Variants in ADCY2 observed in about 807,000 individuals in gnomAD.
ADCY2 encodes adenylate cyclase 2.
In ADCY2, 31 loss-of-function variants were observed where a neutral mutation model predicts 125.2. The observed-to-expected ratio is 0.25, with a 90% CI of 0.19 to 0.33. The LOEUF (loss-of-function observed/expected upper bound fraction) is 0.33, where lower values mean the gene tolerates loss of function less well. Ranked by LOEUF, ADCY2 falls within the 10% of genes least tolerant of loss-of-function variation. The pLI is 1.00. For missense variants in ADCY2, 904 were observed against 1,418.2 expected (o/e 0.64, Z 5.82); for synonymous variants, 512 against 548.4 (o/e 0.93, Z 0.93).
intron 3 of ADCY2, among the ~76,000 whole-genome samples, chr5:7,613,772 G>C (rs1483008670): frequency 1.3e-5 from 2 of 152,206 alleles, no homozygotes; most frequent in Non-Finnish European, 2.9e-5. Flanking sequence ...GCCATCCTGA[G>C]CCTCATCTTA....
At chr5:7,526,188 T>G (rs1219755665) in intron 3 of ADCY2, among the ~76,000 whole-genome samples, 1 of 152,204 alleles carries the variant, frequency 6.6e-6, no homozygotes, top group African/African-American at 2.4e-5. Flanking sequence ...ACACACAGCT[T>G]TGTCATCTTT....
At chr5:7,614,094 C>T (rs1046854338) in intron 3 of ADCY2, among the ~76,000 whole-genome samples, 2 of 152,168 alleles carry the variant, frequency 1.3e-5, no homozygotes, top group African/African-American at 2.4e-5. Flanking sequence ...TTAATGTTAT[C>T]CATAGTCATC....
At position 7,490,795 on chromosome 5, in the gene ADCY2, G is replaced by A. The variant is rs139590954; in HGVS notation, c.409-29943G>A. ...CAAGCAACCTTTCCAAAGACCACCT[G>A]AACAGACATGTCACTTAACTGGAAA... On this transcript the variant is annotated intron_variant, in intron 2 of 24. Transcript: ENST00000338316. Among the ~76,000 whole-genome samples the A allele has an allele frequency of 2.6e-5, 4 of 152,182 alleles. No homozygotes were observed. In the East Asian group the frequency reaches 7.7e-4, roughly 29 times the overall value.
At chr5:7,628,322 G>A (rs1328224655) in intron 4 of ADCY2, among the ~76,000 whole-genome samples, 1 of 152,154 alleles carries the variant, frequency 6.6e-6, no homozygotes, top group Non-Finnish European at 1.5e-5. Context: ...ATTCCAAGTA[G>A]ATGGATTACA....
chr5:7,763,161 T>G (rs944497110), intron 16 of ADCY2, among the ~76,000 whole-genome samples: 1 of 152,050 alleles, frequency 6.6e-6, no homozygotes. Flanking sequence ...TGGCGGGATC[T>G]CGGCTCACTG....
intron 2 of ADCY2, among the ~76,000 whole-genome samples, chr5:7,517,235 G>A (rs1363512983): frequency 2.6e-5 from 4 of 152,234 alleles, no homozygotes; most frequent in Admixed American, 2.6e-4. Flanking sequence ...TTTCTGCAGA[G>A]GATCACAGGA....
At position 7,658,431 on chromosome 5, in the gene ADCY2, GTATA is replaced by G. The variant is rs1554029046; in HGVS notation, c.720+32127_720+32130del. 9.0e-3 allele frequency among the ~76,000 whole-genome samples: 1,289 copies of G among 142,944 alleles called. 8 individuals are homozygous for G. The highest frequency in any genetic ancestry group is 0.015 in the Non-Finnish European group (982 of 65,870). 93.8% of individuals were successfully genotyped at this position (142,944 alleles called of 152,430 possible). Reference sequence around the variant, plus strand: ...TGTGTGTGTGTGTGTGTGTGTGTGTGTATATATATATATATTTGAGATGGAGTCT... The same window carrying G: ...TGTGTGTGTGTGTGTGTGTGTGTGTGTATATATATATTTGAGATGGAGTCT... On this transcript the variant is annotated intron_variant, in intron 4 of 24. Transcript: ENST00000338316.
At chr5:7,537,071 C>T (rs2126554826) in intron 3 of ADCY2, among the ~76,000 whole-genome samples, 1 of 152,248 alleles carries the variant, frequency 6.6e-6, no homozygotes, top group East Asian at 1.9e-4. Context: ...GATTAAAAGT[C>T]TCACTGACTG....
At chr5:7,583,792 C>G (rs1409588786) in intron 3 of ADCY2, among the ~76,000 whole-genome samples, 10 of 152,078 alleles carry the variant, frequency 6.6e-5, no homozygotes, top group Admixed American at 5.2e-4. Flanking sequence ...ACCACATATG[C>G]TTGATTTCAA....
chr5:7,557,192 G>GATATATAGATATATATAT (rs1204974635), intron 3 of ADCY2, among the ~76,000 whole-genome samples: 15 of 80,710 alleles, frequency 1.9e-4, no homozygotes, highest in Non-Finnish European at 3.7e-4. Context: ...TTATATATGT[G>GATATATAGATATATATAT]ATATATATAA....
intron 4 of ADCY2, among the ~76,000 whole-genome samples, chr5:7,628,837 AC>A (rs1561133315): frequency 6.6e-6 from 1 of 151,784 alleles, no homozygotes; most frequent in African/African-American, 2.4e-5. Context: ...AAAAAAAAAA[AC>A]CATCAGTAAG....
intron 4 of ADCY2, among the ~76,000 whole-genome samples, chr5:7,671,855 A>G (rs1739946998): frequency 6.6e-6 from 1 of 152,196 alleles, no homozygotes. Flanking sequence ...ACAGCAAGAA[A>G]GATATTCAGA....
chr5:7,505,622 G>C (rs1421437454), intron 2 of ADCY2, among the ~76,000 whole-genome samples: 2 of 152,194 alleles, frequency 1.3e-5, no homozygotes, highest in Non-Finnish European at 2.9e-5. Flanking sequence ...TCACGGATAT[G>C]CATCTTTCCT....
chr5:7,579,354 T>C (rs1736350727), intron 3 of ADCY2, among the ~76,000 whole-genome samples: 1 of 152,192 alleles, frequency 6.6e-6, no homozygotes, highest in Non-Finnish European at 1.5e-5. Context: ...CCCTGGATTA[T>C]ACTACTGGAA....
intron 15 of ADCY2, among the ~76,000 whole-genome samples, chr5:7,750,223 C>A (rs538601926): frequency 2.0e-5 from 3 of 151,986 alleles, no homozygotes; most frequent in Admixed American, 6.6e-5. Context: ...GGAGTTTATT[C>A]TCTTTTATTC....
At chr5:7,476,402 C>G (rs1380599058) in intron 2 of ADCY2, among the ~76,000 whole-genome samples, 4 of 152,138 alleles carry the variant, frequency 2.6e-5, no homozygotes, top group Admixed American at 6.5e-5. Context: ...AAAACAGCGT[C>G]CTGTGAGGGA....
Position 7,675,016 on chromosome 5 carries a change from G to T in ADCY2, c.721-15675G>T, listed in dbSNP as rs140532164. ...TAAAAATACAAAAAATTAGCTGGGC[G>T]TGGTGGCGGGCACCTGTAGTCTCAG... On this transcript the variant is annotated intron_variant, in intron 4 of 24. Transcript: ENST00000338316. Among the ~76,000 whole-genome samples the T allele has an allele frequency of 9.8e-3, 1,490 of 152,088 alleles. 27 individuals are homozygous for T. Among genetic ancestry groups the T allele is most frequent in the African/African-American group, 0.034 (1,392 of 41,494 alleles).
Position 7,789,695 on chromosome 5 carries a change from G to A in ADCY2, c.2523G>A (p.Glu841=). The change falls in exon 20 of 25, where the codon GAG becomes GAA. Residue 841 remains glutamate (E), a synonymous_variant. Coordinates refer to ENST00000338316, the MANE Select transcript of ADCY2 (RefSeq NM_020546.3). ...TATGGAAGAACAAATTCAAAAAAGA[G>A]CGGGAGGAGATAGAGACCATGGAGA... ...DFLWKNKFKK[E]REEIETMENL... is the part of the protein sequence containing the mutation. 1 of 1,614,028 alleles carries A rather than the reference G, an allele frequency of 6.2e-7. No homozygotes were observed. The highest frequency in any genetic ancestry group is 8.5e-7 in the Non-Finnish European group (1 of 1,180,006).
At chr5:7,711,299 C>T (rs1449316767) in intron 10 of ADCY2, among the ~76,000 whole-genome samples, 1 of 152,160 alleles carries the variant, frequency 6.6e-6, no homozygotes, top group Non-Finnish European at 1.5e-5. Context: ...CAGTATCCAA[C>T]CAGTGAAAGC....
Sources: allele counts gnomAD v4.1 joint callset (sites outside exome capture counted in the v4.1 genomes callset), GRCh38; gene constraint gnomAD v4.1.1; transcripts MANE v1.5; gene names NCBI Gene and HGNC (gene_info 2026-07-23, HGNC 2026-07-21).